CTSC: variants seen among roughly 807,000 people sequenced by gnomAD.
CTSC encodes the protein cathepsin C, also known as dipeptidyl peptidase 1.
CTSC carries 37 observed loss-of-function variants against 40.9 expected under a neutral mutation model. The observed-to-expected ratio is 0.91, with a 90% CI of 0.70 to 1.19. The LOEUF is 1.19. CTSC is among the 50% of genes most tolerant of loss of function. The probability of loss-of-function intolerance (pLI) is 0.00; values close to 1 mark genes in which losing one functional copy is unlikely to be tolerated. For synonymous variants in CTSC, 232 were observed against 207.4 expected (o/e 1.12, Z -1.02); for missense variants, 594 against 567.3 (o/e 1.05, Z -0.48).
intron 3 of CTSC, among the ~76,000 whole-genome samples, chr11:88,310,466 T>C (rs1343321189): frequency 6.6e-6 from 1 of 152,168 alleles, no homozygotes; most frequent in Admixed American, 6.5e-5. Flanking sequence ...AAGACTTCCA[T>C]AAACATTCAA....
intron 3 of CTSC, among the ~76,000 whole-genome samples, chr11:88,311,103 T>G (rs1338870291): frequency 6.6e-6 from 1 of 152,244 alleles, no homozygotes; most frequent in Admixed American, 6.5e-5. Context: ...CAGTCCCACA[T>G]GCTCACTTCA....
intron 2 of CTSC, among the ~76,000 whole-genome samples, chr11:88,330,356 T>G (rs952996628): frequency 2.1e-4 from 32 of 152,088 alleles, no homozygotes; most frequent in Non-Finnish European, 1.5e-4. Context: ...AAAAAATCTT[T>G]CATTTTTTTA....
At chr11:88,318,204 T>G (rs1489226878) in intron 2 of CTSC, among the ~76,000 whole-genome samples, 2 of 152,222 alleles carry the variant, frequency 1.3e-5, no homozygotes, top group Non-Finnish European at 2.9e-5. Flanking sequence ...CATAACAAAC[T>G]TGGCTAGAAG....
At position 88,322,199 on chromosome 11, in the gene CTSC, C is replaced by T. The variant is rs561352562; in HGVS notation, c.319-9645G>A. The T allele has an allele frequency of 3.3e-5, 5 of 152,230 alleles. No homozygotes were observed. The East Asian group carries it at 9.6e-4, about 29-fold the overall frequency. 9.4% of individuals were successfully genotyped at this position (152,230 alleles called of 1,614,324 possible). The stretch of plus-strand genomic sequence containing the variant: ...AATTTTCTCCCATTCTGTTGGTTGC[C>T]TGTTCACTCTGACAGTAGTTTCTTT... On this transcript the variant is annotated intron_variant, in intron 2 of 6. Coordinates refer to ENST00000227266, the MANE Select transcript of CTSC (RefSeq NM_001814.6).
chr11:88,294,557 T>G (rs369608173), intron 6 of CTSC, 49 bp from the exon 7 acceptor site: 2 of 1,601,916 alleles, frequency 1.2e-6, no homozygotes, highest in Non-Finnish European at 1.7e-6. Flanking sequence ...AAAAGGATTA[T>G]CCCATTTTCT....
At chr11:88,295,276 G>T (rs1218978893) in intron 6 of CTSC, among the ~76,000 whole-genome samples, 1 of 152,112 alleles carries the variant, frequency 6.6e-6, no homozygotes, top group African/African-American at 2.4e-5. Context: ...GGCCAAATCT[G>T]GGCTTGAAAG....
Position 88,294,164 on chromosome 11 carries a change from A to G in CTSC, c.1234T>C (p.Tyr412His). ...ATCCCAGAGGCTGAGTCAGTGCCAT[A>G]GCCCACAAGCAGAACAGCATGATTA... ...LTNHAVLLVG[Y>H]GTDSASGMDY... Residue 412 changes from tyrosine to histidine, a missense_variant, in exon 7 of 7, where the codon TAT becomes CAT. Tyr to His is a moderately conservative substitution (Grantham distance 83). Transcript: ENST00000227266. 2 of 1,613,938 alleles carry G rather than the reference A, an allele frequency of 1.2e-6. No individual in the cohort carries two copies. The highest frequency in any genetic ancestry group is 1.7e-6 in the Non-Finnish European group (2 of 1,179,998).
chr11:88,311,154 C>T (rs1263828955), intron 3 of CTSC, among the ~76,000 whole-genome samples: 1 of 152,204 alleles, frequency 6.6e-6, no homozygotes, highest in East Asian at 1.9e-4. Flanking sequence ...CGGTTGGGAG[C>T]TTCTTCACTA....
intron 2 of CTSC, among the ~76,000 whole-genome samples, chr11:88,318,571 T>C (rs1174672945): frequency 3.3e-5 from 5 of 152,152 alleles, no homozygotes; most frequent in Admixed American, 6.5e-5. Context: ...AGCGGAACAT[T>C]GGAAACAAAG....
At chr11:88,305,437 G>T (rs1372658924) in intron 4 of CTSC, among the ~76,000 whole-genome samples, 1 of 152,186 alleles carries the variant, frequency 6.6e-6, no homozygotes, top group Admixed American at 6.5e-5. Context: ...AAAAAGGTGA[G>T]AATTACAAAC....
At chr11:88,328,263 C>T in intron 2 of CTSC, 1 of 1,155,716 alleles carries the variant, frequency 8.7e-7, no homozygotes, top group South Asian at 1.2e-5. Flanking sequence ...TGAAAGAAGA[C>T]ATAAAATAGT....
intron 4 of CTSC, among the ~76,000 whole-genome samples, chr11:88,303,311 C>T (rs577460020): frequency 6.6e-6 from 1 of 152,298 alleles, no homozygotes; most frequent in Non-Finnish European, 1.5e-5. Context: ...GGCATCAGAT[C>T]TCACAGGCTG....
rs753077943 is a variant in CTSC, at chr11:88,300,675, C to CATAT, written c.642-34_642-31dup. On this transcript the variant is annotated intron_variant, in intron 4 of 6. Transcript: ENST00000227266. ...AAAGGAAATATACATTTGATATCAA[C>CATAT]ATATAATCTTTCCTTTGAGGATGAT... 2.0e-5 allele frequency: 26 copies of CATAT among 1,276,670 alleles called. No individual in the cohort carries two copies. In the African/African-American group the frequency reaches 3.5e-4, roughly 17 times the overall value. The allele number at this position is 1,276,670 out of a possible 1,614,324, so 79.1% of individuals were successfully genotyped here.
rs1358304320 is a variant in CTSC, at chr11:88,333,588, A to C, written c.318+1349T>G. 5.3e-5 allele frequency among the ~76,000 whole-genome samples: 8 copies of C among 152,272 alleles called. No homozygotes were observed. The South Asian group carries it at 8.3e-4, about 16-fold the overall frequency. On this transcript the variant is annotated intron_variant, in intron 2 of 6. Coordinates refer to ENST00000227266, the MANE Select transcript of CTSC (RefSeq NM_001814.6). ...GACAGAGTAACTGTAAGAGGTCTGC[A>C]AAGGCCTAGGCTCATCAACGTATAC... is the stretch of plus-strand genomic sequence containing the variant.
At chr11:88,317,200 C>A (rs1937899738) in intron 2 of CTSC, among the ~76,000 whole-genome samples, 1 of 152,166 alleles carries the variant, frequency 6.6e-6, no homozygotes, top group Admixed American at 6.5e-5. Context: ...CTCCTGACCT[C>A]AGGTGATCCG....
Position 88,337,634 on chromosome 11 carries a change from CAGGAGGGCGGCGAGCAGCA to C in CTSC, c.20_38del (p.Leu7CysfsTer52). 6.3e-7 allele frequency: 1 copy of C among 1,584,772 alleles called. No homozygotes were observed. Among genetic ancestry groups the C allele is most frequent in the Non-Finnish European group, 8.6e-7 (1 of 1,164,940 alleles). ...CGGCGCCGTCGCCGGAGAGAAGCAG[CAGGAGGGCGGCGAGCAGCA>C]AGGAGGGCCCAGCACCCATGCTGCA... On this transcript the variant is annotated frameshift_variant, in exon 1 of 7. Coordinates refer to ENST00000227266, the MANE Select transcript of CTSC (RefSeq NM_001814.6). LOFTEE classifies it high-confidence loss of function.
At chr11:88,316,500 T>TAAATAAAA (rs879568972) in intron 2 of CTSC, among the ~76,000 whole-genome samples, 2 of 151,746 alleles carry the variant, frequency 1.3e-5, no homozygotes, top group Non-Finnish European at 2.9e-5. Context: ...AATAAATAAA[T>TAAATAAAA]AAATGAAGCA....
chr11:88,295,782 T>C (rs758870860), intron 6 of CTSC, among the ~76,000 whole-genome samples: 21 of 152,186 alleles, frequency 1.4e-4, no homozygotes, highest in Non-Finnish European at 2.5e-4. Flanking sequence ...GAAACTCCAA[T>C]GCTAAAAGCT....
intron 3 of CTSC, among the ~76,000 whole-genome samples, chr11:88,310,731 A>T (rs1230869655): frequency 6.6e-6 from 1 of 151,024 alleles, no homozygotes; most frequent in African/African-American, 2.5e-5. Context: ...AAACTGTATC[A>T]TATGTATGAC....
Sources: gnomAD v4.1 joint callset for allele counts (sites outside exome capture counted in the v4.1 genomes callset) on GRCh38, gnomAD v4.1.1 for gene constraint, MANE v1.5 for transcripts, NCBI Gene and HGNC (gene_info 2026-07-23, HGNC 2026-07-21) for gene names.